Variants in HAUS5 observed in about 807,000 individuals in gnomAD.
HAUS5 encodes the protein HAUS augmin-like complex subunit 5.
In HAUS5, 67 loss-of-function variants were observed where a neutral mutation model predicts 94.1. That is an observed-to-expected ratio of 0.71 (90% confidence interval 0.58 to 0.87). HAUS5 has a LOEUF of 0.87. Among genes scored for constraint, HAUS5 ranks in the 40% least tolerant of loss-of-function variants. The pLI is 0.00. For missense variants in HAUS5, 739 were observed against 825.6 expected (o/e 0.90, Z 1.29); for synonymous variants, 339 against 355.4 (o/e 0.95, Z 0.52).
At chr19:35,617,791 G>T in intron 8 of HAUS5, 64 bp from the exon 9 acceptor site, 1 of 1,376,740 alleles carries the variant, frequency 7.3e-7, no homozygotes, top group Non-Finnish European at 1.0e-6. Flanking sequence ...TAGGGTGGTG[G>T]TGATAACTAG....
chr19:35,615,737 T>C (rs950737983), intron 6 of HAUS5, among the ~76,000 whole-genome samples: 4 of 151,996 alleles, frequency 2.6e-5, no homozygotes, highest in South Asian at 2.1e-4. Context: ...AAGCCTATCA[T>C]AGAAGGGAGA....
Position 35,619,598 on chromosome 19 carries a change from T to TTCCC in HAUS5, c.1261-15_1261-14insTCCC. 1.7e-6 allele frequency: 1 copy of TTCCC among 583,438 alleles called. No individual in the cohort carries two copies. Among genetic ancestry groups the TTCCC allele is most frequent in the Non-Finnish European group, 2.6e-6 (1 of 385,938 alleles). The allele number at this position is 583,438 out of a possible 1,614,324, so 36.1% of individuals were successfully genotyped here. On this transcript the variant is annotated splice_polypyrimidine_tract_variant and intron_variant, in intron 14 of 18. Coordinates refer to ENST00000203166, the MANE Select transcript of HAUS5 (RefSeq NM_015302.2). ...GATGTTGTGATGCCCCACCCACCCC[T>TTCCC]CCCCTTCCCCACAGGTGCTAGCTCT... is the stretch of plus-strand genomic sequence containing the variant.
In HAUS5 at chr19:35,624,298, T is replaced by A. The variant is rs1472406710; in HGVS notation, c.*1305T>A. 1 of 151,612 alleles carries A rather than the reference T, an allele frequency of 6.6e-6. No homozygotes were observed. The highest frequency in any genetic ancestry group is 1.5e-5 in the Non-Finnish European group (1 of 67,986). 9.4% of individuals were successfully genotyped at this position (151,612 alleles called of 1,614,324 possible). A position where few individuals can be genotyped will look rare whatever the true frequency, so the allele number is the denominator to read the frequency against. ...TTTTGTACTTTTAGTAGGGACGGGG[T>A]TTCATCATGTTGGCCAGACTGGTCT... On this transcript the variant is annotated 3_prime_UTR_variant, in exon 19 of 19. Coordinates refer to ENST00000203166, the MANE Select transcript of HAUS5 (RefSeq NM_015302.2).
In HAUS5 at chr19:35,617,951, G is replaced by A. The variant is rs377212489; in HGVS notation, c.696+39G>A. 7.8e-5 allele frequency: 125 copies of A among 1,609,962 alleles called. No homozygotes were observed. In the Middle Eastern group the frequency reaches 9.9e-4, roughly 13 times the overall value. The stretch of plus-strand genomic sequence containing the variant: ...GCTCTCAGGAAAGCCACACCCTCCC[G>A]CTCCTTGATCAAAACTTAGGGTGCC... On this transcript the variant is annotated intron_variant, in intron 9 of 18. Coordinates refer to ENST00000203166, the MANE Select transcript of HAUS5 (RefSeq NM_015302.2).
chr19:35,620,140 T>C lies in HAUS5; in HGVS notation c.1518+17T>C. ...CCAGGGAAGGTGAGTGCCCGTCTCC[T>C]GTGACTTGTCTCCCCAGCCCCGCCC... On this transcript the variant is annotated intron_variant, in intron 16 of 18. Transcript: ENST00000203166. The C allele has an allele frequency of 5.6e-6, 9 of 1,612,262 alleles. No homozygotes were observed. Among genetic ancestry groups the C allele is most frequent in the Non-Finnish European group, 7.6e-6 (9 of 1,178,560 alleles).
At position 35,617,154 on chromosome 19, in the gene HAUS5, C is replaced by T. The variant is rs752503647; in HGVS notation, c.516C>T (p.Ser172=). 1 of 1,613,968 alleles carries T rather than the reference C, an allele frequency of 6.2e-7. No homozygotes were observed. The highest frequency in any genetic ancestry group is 8.5e-7 in the Non-Finnish European group (1 of 1,179,892). ...CCAAAGTAGATGTGACCTTTGGATC[C>T]CTCACGTCGGCAGCTCTGGGCCTGG... ...RKAKVDVTFG[S]LTSAALGLEP... Residue 172 remains serine (S), a synonymous_variant, in exon 7 of 19, where the codon TCC becomes TCT. Transcript: ENST00000203166.
In HAUS5 at chr19:35,620,217, C is replaced by T. The variant is rs746579592; in HGVS notation, c.1541C>T (p.Ala514Val). The change falls in exon 17 of 19, where the codon GCG (alanine) becomes GTG (valine). Residue 514 changes from alanine to valine, a missense_variant. Ala to Val is a moderately conservative substitution (Grantham distance 64). Coordinates refer to ENST00000203166, the MANE Select transcript of HAUS5 (RefSeq NM_015302.2). ...PGKASELLLP[A>V]AASLRQDLLL... ...CAGGCCTCGGAGCTGCTCCTGCCGG[C>T]GGCTGCCTCTCTTCGCCAGGACCTT... is the stretch of plus-strand genomic sequence containing the variant. 45 of 1,613,472 alleles carry T rather than the reference C, an allele frequency of 2.8e-5. No homozygotes were observed. The highest frequency in any genetic ancestry group is 1.6e-4 in the Middle Eastern group (1 of 6,078).
intron 1 of HAUS5, 51 bp downstream of exon 1, chr19:35,612,943 C>CAGGGT: frequency 7.8e-7 from 1 of 1,277,548 alleles, no homozygotes; most frequent in Non-Finnish European, 1.1e-6. Context: ...ATTGAGTCTC[C>CAGGGT]GGGAGTGAGA....
At chr19:35,619,330 G>A (rs1967164404) in intron 13 of HAUS5, 94 bp from the exon 14 acceptor site, 2 of 1,025,198 alleles carry the variant, frequency 2.0e-6, no homozygotes, top group Admixed American at 4.7e-5. Flanking sequence ...AAGAGCCCAG[G>A]TGAGACTCCC....
Position 35,620,066 on chromosome 19 carries a change from C to A in HAUS5, c.1461C>A (p.Ser487=), listed in dbSNP as rs766239120. ...CCATCCACCAGCTGCACCCCGCGTC[C>A]CCAAGGGGCTCCAGCTTCATAGCGC... ...LPSIHQLHPA[S]PRGSSFIALS... is the part of the protein sequence containing the mutation. The change falls in exon 16 of 19, where the codon TCC becomes TCA. Residue 487 remains serine (S), a synonymous_variant. Coordinates refer to ENST00000203166, the MANE Select transcript of HAUS5 (RefSeq NM_015302.2). 18 of 1,613,878 alleles carry A rather than the reference C, an allele frequency of 1.1e-5. No homozygotes were observed. The highest frequency in any genetic ancestry group is 1.4e-5 in the Non-Finnish European group (16 of 1,179,922).
Position 35,618,151 on chromosome 19 carries a change from G to C in HAUS5, c.777G>C (p.Arg259=). The C allele has an allele frequency of 6.2e-7, 1 of 1,609,818 alleles. No individual in the cohort carries two copies. Among genetic ancestry groups the C allele is most frequent in the Non-Finnish European group, 8.5e-7 (1 of 1,177,016 alleles). ...HLAAEREAEI[R]SLCSGDGLGD... ...CTGCAGAGCGGGAGGCAGAGATTCGGTCCCTGTGCAGTGGGGATGGGCTTG... is the reference window on the plus strand; with the variant it reads ...CTGCAGAGCGGGAGGCAGAGATTCGCTCCCTGTGCAGTGGGGATGGGCTTG... Residue 259 remains arginine, a synonymous_variant, in exon 10 of 19, where the codon CGG becomes CGC. Transcript: ENST00000203166.
At chr19:35,617,770 C>G (rs2071957527) in intron 8 of HAUS5, 85 bp from the exon 9 acceptor site, 1 of 1,166,092 alleles carries the variant, frequency 8.6e-7, no homozygotes, top group Non-Finnish European at 1.3e-6. Context: ...AAGATGACAG[C>G]CCCTACCTTA....
chr19:35,618,288 G>A, intron 10 of HAUS5, 93 bp downstream of exon 10: 1 of 1,600,260 alleles, frequency 6.2e-7, no homozygotes, highest in Non-Finnish European at 8.5e-7. Flanking sequence ...ACCTGCTGAT[G>A]GGGTAGAACT....
Position 35,612,814 on chromosome 19 carries a change from C to G in HAUS5, c.20C>G (p.Ala7Gly). 1.3e-6 allele frequency: 2 copies of G among 1,547,360 alleles called. No homozygotes were observed. The highest frequency in any genetic ancestry group is 1.7e-6 in the Non-Finnish European group (2 of 1,145,602). MELAQE[A>G]RELGCWAVEE... ...GCTGTCATGGAGCTAGCGCAGGAAG[C>G]GCGGGAACTGGGTTGCTGGGCGGTC... Residue 7 changes from alanine (A) to glycine (G), a missense_variant, in exon 1 of 19, where the codon GCG (alanine) becomes GGG (glycine). Physicochemically the swap from Ala to Gly is moderately conservative, Grantham distance 60 (BLOSUM62 0). Coordinates refer to ENST00000203166, the MANE Select transcript of HAUS5 (RefSeq NM_015302.2).
chr19:35,615,048 C>T lies in HAUS5; in HGVS notation c.226C>T (p.Arg76Trp), dbSNP rs374119918. 11 of 1,590,414 alleles carry T rather than the reference C, an allele frequency of 6.9e-6. No individual in the cohort carries two copies. Among genetic ancestry groups the T allele is most frequent in the African/African-American group, 5.4e-5 (4 of 74,414 alleles). The change falls in exon 5 of 19, where the codon CGG (arginine) becomes TGG (tryptophan). Residue 76 changes from arginine (R) to tryptophan (W), a missense_variant. Coordinates refer to ENST00000203166, the MANE Select transcript of HAUS5 (RefSeq NM_015302.2). ...CTGAATCTGATCCTCCCAGGTCCGT[C>T]GGAAGTTAGAGCTGGAAGCTGCTGT... ...YGHQDSPQVR[R>W]KLELEAAVTR...
At chr19:35,619,823 AC>A in intron 15 of HAUS5, 65 bp downstream of exon 15, 2 of 1,499,514 alleles carry the variant, frequency 1.3e-6, no homozygotes. Context: ...CACTCCCTGA[AC>A]CTCCTCAAAA....
chr19:35,623,056 A>G lies in HAUS5; in HGVS notation c.*63A>G, dbSNP rs1350274983. ...TTCACCCCAACACCTCACCTCCCCC[A>G]GGACATTTGGAAGAAAGCAGCGCCA... On this transcript the variant is annotated 3_prime_UTR_variant, in exon 19 of 19. Transcript: ENST00000203166. The G allele has an allele frequency of 2.6e-5, 29 of 1,103,740 alleles. No homozygotes were observed. Among genetic ancestry groups the G allele is most frequent in the Non-Finnish European group, 3.9e-5 (29 of 744,412 alleles). 68.4% of individuals were successfully genotyped at this position (1,103,740 alleles called of 1,614,324 possible). A position where few individuals can be genotyped will look rare whatever the true frequency, so the allele number is the denominator to read the frequency against.
In HAUS5 at chr19:35,622,955, G is replaced by A; in HGVS notation, c.1864G>A (p.Val622Ile). 6.2e-7 allele frequency: 1 copy of A among 1,613,458 alleles called. No homozygotes were observed. Among genetic ancestry groups the A allele is most frequent in the Non-Finnish European group, 8.5e-7 (1 of 1,179,830 alleles). The change falls in exon 19 of 19, where the codon GTT (valine) becomes ATT (isoleucine). Residue 622 changes from valine to isoleucine, a missense_variant. Physicochemically the swap from Val to Ile is conservative, Grantham distance 29 (BLOSUM62 3). Coordinates refer to ENST00000203166, the MANE Select transcript of HAUS5 (RefSeq NM_015302.2). Reference protein sequence around the residue: ...LSLPQWRLRWVQAQGALQKLC... With the variant: ...LSLPQWRLRWIQAQGALQKLC... ...CCTGCCCCAGTGGCGGCTGCGCTGGGTTCAGGCCCAGGGGGCCCTGCAGAA... is the reference window on the plus strand; with the variant it reads ...CCTGCCCCAGTGGCGGCTGCGCTGGATTCAGGCCCAGGGGGCCCTGCAGAA...
At position 35,612,988 on chromosome 19, in the gene HAUS5, A is replaced by G. The variant is rs558092641; in HGVS notation, c.98+96A>G. On this transcript the variant is annotated intron_variant, in intron 1 of 18. Coordinates refer to ENST00000203166, the MANE Select transcript of HAUS5 (RefSeq NM_015302.2). Reference sequence around the variant, plus strand: ...CTCATTGAGGACTCGACTCCCCCCAATTCCCCATCGAGAGTGACCCGACTT... The same window carrying G: ...CTCATTGAGGACTCGACTCCCCCCAGTTCCCCATCGAGAGTGACCCGACTT... The G allele has an allele frequency of 1.8e-3, 1,583 of 891,786 alleles. 4 individuals carry two copies. The highest frequency in any genetic ancestry group is 2.2e-3 in the Non-Finnish European group (1,350 of 617,286). 55.2% of individuals were successfully genotyped at this position (891,786 alleles called of 1,614,324 possible).
Sources: gnomAD v4.1 joint callset for allele counts (sites outside exome capture counted in the v4.1 genomes callset) on GRCh38, gnomAD v4.1.1 for gene constraint, MANE v1.5 for transcripts, NCBI Gene and HGNC (gene_info 2026-07-23, HGNC 2026-07-21) for gene names.